SLC16A12: variants seen among roughly 807,000 people sequenced by gnomAD.
SLC16A12 encodes the protein monocarboxylate transporter 12.
In SLC16A12, 17 loss-of-function variants were observed where a neutral mutation model predicts 42.4. The ratio of observed to expected loss-of-function variants is 0.40; its 90% CI spans 0.27 to 0.60. SLC16A12 has a LOEUF of 0.60. Among genes scored for constraint, SLC16A12 ranks in the 20% least tolerant of loss-of-function variants. The pLI, the probability that SLC16A12 is intolerant of heterozygous loss-of-function variation, is 0.42. For synonymous variants in SLC16A12, 224 were observed against 229.4 expected (o/e 0.98, Z 0.21); for missense variants, 544 against 623.0 (o/e 0.87, Z 1.35).
At position 89,430,954 on chromosome 10, in the gene SLC16A12, A is replaced by T; in HGVS notation, c.*2110T>A. ...GATATTTAGGGCAAAGTGCTATTCC[A>T]AACAGATATAACTTCATCTTAACTT... is the stretch of plus-strand genomic sequence containing the variant. On this transcript the variant is annotated 3_prime_UTR_variant, in exon 8 of 8. Coordinates refer to ENST00000371790, the MANE Select transcript of SLC16A12 (RefSeq NM_213606.4). 1 of 322,496 alleles carries T rather than the reference A, an allele frequency of 3.1e-6. No homozygotes were observed. The highest frequency in any genetic ancestry group is 5.9e-6 in the Non-Finnish European group (1 of 168,274). The allele number at this position is 322,496 out of a possible 1,614,324, so 20.0% of individuals were successfully genotyped here. A position where few individuals can be genotyped will look rare whatever the true frequency, so the allele number is the denominator to read the frequency against.
intron 2 of SLC16A12, among the ~76,000 whole-genome samples, chr10:89,553,309 C>G (rs966927573): frequency 1.3e-5 from 2 of 152,224 alleles, no homozygotes; most frequent in Admixed American, 6.5e-5. Flanking sequence ...TAATCCATTA[C>G]AGTCAGAGTG....
intron 2 of SLC16A12, among the ~76,000 whole-genome samples, chr10:89,496,929 A>T (rs1404007790): frequency 6.6e-6 from 1 of 152,194 alleles, no homozygotes; most frequent in Non-Finnish European, 1.5e-5. Flanking sequence ...TCCAATAGAA[A>T]AAGGACTTTG....
intron 2 of SLC16A12, among the ~76,000 whole-genome samples, chr10:89,483,986 T>C (rs1462905610): frequency 6.6e-6 from 1 of 152,176 alleles, no homozygotes; most frequent in Non-Finnish European, 1.5e-5. Context: ...AACTTGGTCA[T>C]GTTACTAAGT....
In SLC16A12 at chr10:89,540,617, G is replaced by A. The variant is rs570619815; in HGVS notation, c.-47+15265C>T. ...TCCAATTCTTGTTGCCAGATAGCCAGTGAATATTTTCACTTGCATTCTCCC... is the reference window on the plus strand; with the variant it reads ...TCCAATTCTTGTTGCCAGATAGCCAATGAATATTTTCACTTGCATTCTCCC... On this transcript the variant is annotated intron_variant, in intron 2 of 2. Transcript: ENST00000475682. Among the ~76,000 whole-genome samples the A allele has an allele frequency of 4.6e-5, 7 of 152,198 alleles. No individual in the cohort carries two copies. In the South Asian group the frequency reaches 1.5e-3, roughly 32 times the overall value.
At chr10:89,461,339 G>A (rs1842296010) in intron 3 of SLC16A12, among the ~76,000 whole-genome samples, 1 of 152,146 alleles carries the variant, frequency 6.6e-6, no homozygotes, top group Non-Finnish European at 1.5e-5. Flanking sequence ...GCAAAATAAA[G>A]CAAAATAATT....
At chr10:89,523,943 A>G (rs143346164) in intron 2 of SLC16A12, among the ~76,000 whole-genome samples, 1 of 152,192 alleles carries the variant, frequency 6.6e-6, no homozygotes, top group East Asian at 1.9e-4. Context: ...GCGTGAGCAC[A>G]GTCTAGTTAT....
At chr10:89,534,403 G>C (rs570559154) in intron 2 of SLC16A12, 98 bp downstream of exon 2, 3 of 152,174 alleles carry the variant, frequency 2.0e-5, no homozygotes, top group Non-Finnish European at 4.4e-5. Flanking sequence ...TGGTGACGCC[G>C]CGGGAGTGCC....
intron 2 of SLC16A12, among the ~76,000 whole-genome samples, chr10:89,499,574 T>C (rs1842967005): frequency 6.6e-6 from 1 of 152,070 alleles, no homozygotes; most frequent in Non-Finnish European, 1.5e-5. Context: ...GAAATCAAGA[T>C]AGAAATTAAA....
intron 3 of SLC16A12, among the ~76,000 whole-genome samples, chr10:89,461,090 A>G (rs1333656556): frequency 6.6e-6 from 1 of 152,214 alleles, no homozygotes; most frequent in Non-Finnish European, 1.5e-5. Flanking sequence ...AAAGATTTCT[A>G]TTTGAATGAA....
intron 2 of SLC16A12, among the ~76,000 whole-genome samples, chr10:89,515,124 CA>C (rs1843227582): frequency 6.8e-6 from 1 of 147,362 alleles, no homozygotes; most frequent in African/African-American, 2.5e-5. Flanking sequence ...CAAAACAAAA[CA>C]AAACAAAAAA....
At chr10:89,528,803 C>T (rs927803243) in intron 2 of SLC16A12, among the ~76,000 whole-genome samples, 14 of 152,134 alleles carry the variant, frequency 9.2e-5, no homozygotes, top group African/African-American at 1.7e-4. Context: ...CTCAGACCTA[C>T]GGAATCAGAA....
At chr10:89,500,974 C>T (rs530110250) in intron 2 of SLC16A12, among the ~76,000 whole-genome samples, 1 of 152,302 alleles carries the variant, frequency 6.6e-6, no homozygotes, top group African/African-American at 2.4e-5. Context: ...GTACACAAAT[C>T]AGTAGCTCTT....
intron 2 of SLC16A12, among the ~76,000 whole-genome samples, chr10:89,487,964 G>GTGTATATATATATATA (rs1248310697): frequency 1.1e-4 from 14 of 126,690 alleles, no homozygotes; most frequent in East Asian, 5.2e-4. Context: ...TGGTGTGTGT[G>GTGTATATATATATATA]TATATATATA....
Position 89,433,104 on chromosome 10 carries a change from TC to T in SLC16A12, c.1510del (p.Glu504SerfsTer18). On this transcript the variant is annotated frameshift_variant, in exon 8 of 8. Transcript: ENST00000371790. LOFTEE classifies it high-confidence loss of function. ...GCCAGGCACTGCTGTAGCCACAGGC[TC>T]CCCATGTTTCTGATCTAATTCTCTT... ...VARELDQKHG[E>X]PVATAVPGYS... 6.2e-7 allele frequency: 1 copy of T among 1,614,180 alleles called. No individual in the cohort carries two copies. Among genetic ancestry groups the T allele is most frequent in the Non-Finnish European group, 8.5e-7 (1 of 1,180,030 alleles).
intron 2 of SLC16A12, among the ~76,000 whole-genome samples, chr10:89,518,259 C>G (rs1843289404): frequency 6.6e-6 from 1 of 152,112 alleles, no homozygotes; most frequent in South Asian, 2.1e-4. Flanking sequence ...TCTCCTTTCC[C>G]AAAAGGTTGG....
At chr10:89,529,760 C>G (rs562721438) in intron 2 of SLC16A12, among the ~76,000 whole-genome samples, 1 of 152,138 alleles carries the variant, frequency 6.6e-6, no homozygotes, top group African/African-American at 2.4e-5. Context: ...GTTGGCCACG[C>G]TAGTCTCGAA....
chr10:89,432,901 T>A lies in SLC16A12; in HGVS notation c.*163A>T, dbSNP rs1589654485. Reference sequence around the variant, plus strand: ...TCTGGGCTAGTCCAGCTTTCCTTATTATGTGCTGTTTTCCCTTATAAATAT... The same window carrying A: ...TCTGGGCTAGTCCAGCTTTCCTTATAATGTGCTGTTTTCCCTTATAAATAT... On this transcript the variant is annotated 3_prime_UTR_variant, in exon 8 of 8. Coordinates refer to ENST00000371790, the MANE Select transcript of SLC16A12 (RefSeq NM_213606.4). 3 of 994,792 alleles carry A rather than the reference T, an allele frequency of 3.0e-6. No homozygotes were observed. In the East Asian group the frequency reaches 8.1e-5, roughly 27 times the overall value. The allele number at this position is 994,792 out of a possible 1,614,324, so 61.6% of individuals were successfully genotyped here.
intron 7 of SLC16A12, among the ~76,000 whole-genome samples, chr10:89,435,000 A>G (rs966434590): frequency 6.6e-6 from 1 of 152,388 alleles, no homozygotes; most frequent in East Asian, 1.9e-4. Flanking sequence ...TCTCTCCAGC[A>G]TGATAAACAC....
intron 2 of SLC16A12, among the ~76,000 whole-genome samples, chr10:89,527,803 T>TAA (rs1171305059): frequency 1.7e-5 from 2 of 119,362 alleles, no homozygotes; most frequent in African/African-American, 3.1e-5. Flanking sequence ...CCCCATCTCT[T>TAA]AAAAAAAAAA....
Sources: allele counts gnomAD v4.1 joint callset (sites outside exome capture counted in the v4.1 genomes callset), GRCh38; gene constraint gnomAD v4.1.1; transcripts MANE v1.5; gene names NCBI Gene and HGNC (gene_info 2026-07-23, HGNC 2026-07-21).